Variants in UNC13C observed in about 807,000 individuals in gnomAD.
The protein encoded by UNC13C is protein unc-13 homolog C.
UNC13C carries 174 observed loss-of-function variants against 245.4 expected under a neutral mutation model. That is an observed-to-expected ratio of 0.71 (90% CI 0.63 to 0.80). The LOEUF (loss-of-function observed/expected upper bound fraction) is 0.80. UNC13C is among the 30% of genes least tolerant of loss of function. The pLI is 0.00. For synonymous variants in UNC13C, 992 were observed against 895.1 expected (o/e 1.11, Z -1.93); for missense variants, 2,829 against 2,602.9 (o/e 1.09, Z -1.89).
At chr15:54,337,476 C>T (rs1243436497) in intron 16 of UNC13C, among the ~76,000 whole-genome samples, 2 of 152,132 alleles carry the variant, frequency 1.3e-5, no homozygotes, top group Admixed American at 6.6e-5. Flanking sequence ...ATTGAAGTCA[C>T]CTCCCTTATG....
intron 13 of UNC13C, among the ~76,000 whole-genome samples, chr15:54,310,879 C>T (rs1349400176): frequency 1.3e-5 from 2 of 151,494 alleles, no homozygotes; most frequent in African/African-American, 4.8e-5. Flanking sequence ...CATATTTTTC[C>T]TTTTGTAAGA....
At chr15:54,497,302 C>G (rs531118581) in intron 20 of UNC13C, among the ~76,000 whole-genome samples, 82 of 152,226 alleles carry the variant, frequency 5.4e-4, no homozygotes, top group African/African-American at 1.9e-3. Flanking sequence ...CATCTTCTCT[C>G]CCATGTTTTC....
At chr15:54,180,428 A>G (rs192272654) in intron 4 of UNC13C, among the ~76,000 whole-genome samples, 1 of 152,014 alleles carries the variant, frequency 6.6e-6, no homozygotes, top group East Asian at 1.9e-4. Context: ...GGCTGATTCC[A>G]TGTTGTTGAT....
At chr15:54,442,435 C>T (rs570487783) in intron 19 of UNC13C, among the ~76,000 whole-genome samples, 2 of 151,974 alleles carry the variant, frequency 1.3e-5, no homozygotes, top group East Asian at 3.9e-4. Flanking sequence ...GTTGGCTAGG[C>T]TCGTCTTGAA....
At chr15:54,448,140 A>T (rs1195733627) in intron 19 of UNC13C, among the ~76,000 whole-genome samples, 1 of 152,148 alleles carries the variant, frequency 6.6e-6, no homozygotes, top group Non-Finnish European at 1.5e-5. Context: ...TCTGAGAGAC[A>T]GTTTGTTATA....
the UNC13C span, among the ~76,000 whole-genome samples, chr15:53,853,548 T>C: frequency 6.6e-6 from 1 of 152,230 alleles, no homozygotes; most frequent in Non-Finnish European, 1.5e-5. Flanking sequence ...TTTCGGCCTC[T>C]AGGTCTTTGA....
At chr15:54,053,287 C>G (rs1167298125) in intron 2 of UNC13C, among the ~76,000 whole-genome samples, 1 of 152,148 alleles carries the variant, frequency 6.6e-6, no homozygotes. Flanking sequence ...TCACCTCAGC[C>G]TCCGAAAGTG....
chr15:53,837,954 A>G, the UNC13C span, among the ~76,000 whole-genome samples: 1 of 152,146 alleles, frequency 6.6e-6, no homozygotes, highest in South Asian at 2.1e-4. Context: ...TCAAAACTTC[A>G]TTAACTCTTT....
downstream of UNC13C, chr15:54,632,673 A>G (rs2141333843): frequency 6.6e-6 from 1 of 152,342 alleles, no homozygotes; most frequent in Admixed American, 6.5e-5. Flanking sequence ...TTCATCATAA[A>G]TCAATTGACC....
At chr15:54,091,087 C>A (rs1899547673) in intron 2 of UNC13C, among the ~76,000 whole-genome samples, 1 of 152,036 alleles carries the variant, frequency 6.6e-6, no homozygotes, top group South Asian at 2.1e-4. Context: ...GGGGTTGCCT[C>A]AGTATCCAAC....
chr15:54,505,744 C>CTTTTTT (rs3083161), intron 22 of UNC13C, among the ~76,000 whole-genome samples: 1 of 129,848 alleles, frequency 7.7e-6, no homozygotes, highest in Non-Finnish European at 1.6e-5. Context: ...AAGCTATATT[C>CTTTTTT]TTTTTTTTTT....
intron 2 of UNC13C, among the ~76,000 whole-genome samples, chr15:54,046,417 A>G (rs1362991586): frequency 1.3e-5 from 2 of 151,964 alleles, no homozygotes; most frequent in African/African-American, 2.4e-5. Flanking sequence ...AAACTTCTAT[A>G]TTTTTGCCAC....
chr15:54,586,579 A>G (rs1392155130), intron 30 of UNC13C, among the ~76,000 whole-genome samples: 3 of 152,342 alleles, frequency 2.0e-5, no homozygotes, highest in Admixed American at 6.5e-5. Context: ...CTTTCTTCCA[A>G]TAAAGTCACA....
At chr15:54,450,453 C>G (rs944323229) in intron 19 of UNC13C, among the ~76,000 whole-genome samples, 2 of 152,218 alleles carry the variant, frequency 1.3e-5, no homozygotes, top group South Asian at 4.1e-4. Context: ...TGTTTACCTA[C>G]TCAAGCCTCA....
intron 2 of UNC13C, among the ~76,000 whole-genome samples, chr15:54,020,995 T>G (rs1361384254): frequency 6.6e-6 from 1 of 152,230 alleles, no homozygotes; most frequent in Non-Finnish European, 1.5e-5. Context: ...TCTAATACAC[T>G]AGAATTATCT....
chr15:54,479,904 G>A (rs1475555040), intron 19 of UNC13C, among the ~76,000 whole-genome samples: 2 of 152,108 alleles, frequency 1.3e-5, no homozygotes, highest in South Asian at 2.1e-4. Context: ...TTTCAGATTC[G>A]AATAGTAGCT....
intron 4 of UNC13C, among the ~76,000 whole-genome samples, chr15:54,220,616 A>G (rs534764987): frequency 1.4e-5 from 2 of 147,960 alleles, no homozygotes; most frequent in South Asian, 4.3e-4. Context: ...AATAAAAAAA[A>G]TTAAAAAAAT....
chr15:54,074,161 C>G (rs1182681284), intron 2 of UNC13C, among the ~76,000 whole-genome samples: 1 of 152,038 alleles, frequency 6.6e-6, no homozygotes, highest in Non-Finnish European at 1.5e-5. Context: ...TTGTTTTTGT[C>G]AGGTTTGCCA....
intron 2 of UNC13C, among the ~76,000 whole-genome samples, chr15:54,096,045 G>A (rs913659369): frequency 1.3e-5 from 2 of 152,192 alleles, no homozygotes; most frequent in Non-Finnish European, 1.5e-5. Context: ...AGCATGTGAA[G>A]GCAACAATGG....
Sources: allele counts gnomAD v4.1 joint callset (sites outside exome capture counted in the v4.1 genomes callset), GRCh38; gene constraint gnomAD v4.1.1; transcripts MANE v1.5; gene names NCBI Gene and HGNC (gene_info 2026-07-23, HGNC 2026-07-21).